FER: variants seen among roughly 807,000 people sequenced by gnomAD.
FER encodes tyrosine-protein kinase Fer.
In FER, 63 loss-of-function variants were observed where a neutral mutation model predicts 111.0. That is an observed-to-expected ratio of 0.57 (90% CI 0.46 to 0.70). The LOEUF is 0.70. FER is among the 30% of genes least tolerant of loss of function. FER has a pLI of 0.00. For missense variants in FER, 914 were observed against 954.0 expected (o/e 0.96, Z 0.55); for synonymous variants, 327 against 313.9 (o/e 1.04, Z -0.44).
At chr5:108,893,462 A>G (rs1192058167) in intron 9 of FER, among the ~76,000 whole-genome samples, 1 of 151,966 alleles carries the variant, frequency 6.6e-6, no homozygotes, top group East Asian at 1.9e-4. Flanking sequence ...ATTTAAATCT[A>G]CGTTAACTCT....
chr5:109,133,748 T>C lies in FER; in HGVS notation c.2048+33229T>C, dbSNP rs148434587. On this transcript the variant is annotated intron_variant, in intron 17 of 19. Transcript: ENST00000281092. ...ATGTAACAAAACTATATTCTATGTATTTCCCATGAGTCAACTAGTTTCTCT... is the reference window on the plus strand; with the variant it reads ...ATGTAACAAAACTATATTCTATGTACTTCCCATGAGTCAACTAGTTTCTCT... Among the ~76,000 whole-genome samples the C allele has an allele frequency of 1.0e-3, 152 of 152,258 alleles. 1 individual carries two copies. The East Asian group carries it at 0.027, about 27-fold the overall frequency.
chr5:108,770,677 A>G (rs534946488), intron 2 of FER, among the ~76,000 whole-genome samples: 1 of 152,166 alleles, frequency 6.6e-6, no homozygotes, highest in South Asian at 2.1e-4. Context: ...TGCCTGGCCT[A>G]TTTGGAGATT....
chr5:109,025,012 G>A (rs1214491131), intron 13 of FER, among the ~76,000 whole-genome samples: 2 of 151,952 alleles, frequency 1.3e-5, no homozygotes, highest in Non-Finnish European at 2.9e-5. Context: ...ATGCTGTTTT[G>A]GTTACTGTAG....
chr5:108,867,933 A>C lies in FER; in HGVS notation c.648A>C (p.Glu216Asp), dbSNP rs370663101. The change falls in exon 6 of 20, where the codon GAA becomes GAC. Residue 216 changes from glutamate (E) to aspartate (D), a missense_variant. By Grantham distance (45) the Glu-to-Asp change is conservative (BLOSUM62 2). This residue lies in a region of FER where 774 missense variants were observed against 782.6 expected (regional missense o/e 0.99). Transcript: ENST00000281092. ...LLLDSLQKMQEEMIKALKGIF... is the reference protein window; with the variant it reads ...LLLDSLQKMQDEMIKALKGIF... ...TGGACTCCTTACAAAAGATGCAAGA[A>C]GAAATGATAAAAGCACTGTAAGATA... 1 of 1,607,076 alleles carries C rather than the reference A, an allele frequency of 6.2e-7. No individual in the cohort carries two copies. Among genetic ancestry groups the C allele is most frequent in the Non-Finnish European group, 8.5e-7 (1 of 1,177,964 alleles).
At chr5:108,752,069 G>A (rs1333540564) in intron 1 of FER, among the ~76,000 whole-genome samples, 1 of 151,820 alleles carries the variant, frequency 6.6e-6, no homozygotes, top group Non-Finnish European at 1.5e-5. Context: ...ATTTGTCTTT[G>A]GTATGCTTAT....
At chr5:108,770,569 A>G (rs1272217602) in intron 2 of FER, among the ~76,000 whole-genome samples, 1 of 151,356 alleles carries the variant, frequency 6.6e-6, no homozygotes, top group Non-Finnish European at 1.5e-5. Flanking sequence ...GGAGACGGAG[A>G]CAGAGTTTTG....
chr5:108,945,524 G>A (rs910603675), intron 10 of FER, among the ~76,000 whole-genome samples: 4 of 151,978 alleles, frequency 2.6e-5, no homozygotes, highest in Non-Finnish European at 4.4e-5. Flanking sequence ...AGGATTGGTG[G>A]TAGGTATGTC....
chr5:109,101,851 G>A (rs79130507), intron 17 of FER, among the ~76,000 whole-genome samples: 9,820 of 152,152 alleles, frequency 0.065, 787 homozygotes, highest in African/African-American at 0.19. Flanking sequence ...AATTTTGGTT[G>A]CCGAGGTATT....
chr5:109,134,487 T>G (rs964482845), intron 17 of FER, among the ~76,000 whole-genome samples: 5 of 152,192 alleles, frequency 3.3e-5, no homozygotes, highest in African/African-American at 1.2e-4. Context: ...ATGATTATAC[T>G]CCTTCCACCC....
chr5:109,051,816 C>T lies in FER; in HGVS notation c.1924+4618C>T, dbSNP rs1033835878. 25 of 1,597,758 alleles carry T rather than the reference C, an allele frequency of 1.6e-5. 1 individual carries two copies. Among genetic ancestry groups the T allele is most frequent in the Middle Eastern group, 1.7e-4 (1 of 6,026 alleles). On this transcript the variant is annotated intron_variant, in intron 16 of 19. Coordinates refer to ENST00000281092, the MANE Select transcript of FER (RefSeq NM_005246.4). ...TCAAGGCCAGGGACACCAAGGACACCACCAGCATGAAGATGATGAAGATGG... is the reference window on the plus strand; with the variant it reads ...TCAAGGCCAGGGACACCAAGGACACTACCAGCATGAAGATGATGAAGATGG...
At chr5:109,121,899 G>T (rs1751026846) in intron 17 of FER, among the ~76,000 whole-genome samples, 1 of 151,900 alleles carries the variant, frequency 6.6e-6, no homozygotes, top group Non-Finnish European at 1.5e-5. Flanking sequence ...CCTCATAGTA[G>T]CCGCTAATGA....
At chr5:108,899,802 C>CAA (rs759045022) in intron 10 of FER, among the ~76,000 whole-genome samples, 4 of 90,090 alleles carry the variant, frequency 4.4e-5, no homozygotes, top group East Asian at 3.4e-4. Flanking sequence ...GACTCCATCT[C>CAA]AAAAAAAAAA....
At chr5:109,154,329 T>C (rs1755146310) in intron 17 of FER, among the ~76,000 whole-genome samples, 1 of 151,984 alleles carries the variant, frequency 6.6e-6, no homozygotes, top group Admixed American at 6.6e-5. Context: ...TCACCAGTTT[T>C]GAGAACATTA....
At position 108,983,166 on chromosome 5, in the gene FER, C is replaced by T. The variant is rs60390123; in HGVS notation, c.1656+23819C>T. On this transcript the variant is annotated intron_variant, in intron 13 of 19. Transcript: ENST00000281092. ...TGCTATGACAATATGGAAATATGTA[C>T]GGGGTCAGGAACAATTTTGGACATA... is the stretch of plus-strand genomic sequence containing the variant. Among the ~76,000 whole-genome samples, 957 of 151,914 alleles carry T rather than the reference C, an allele frequency of 6.3e-3. 12 individuals carry two copies. The highest frequency in any genetic ancestry group is 0.022 in the African/African-American group (896 of 41,466).
At chr5:109,051,936 G>A in intron 16 of FER, 1 of 1,582,106 alleles carries the variant, frequency 6.3e-7, no homozygotes, top group Non-Finnish European at 8.7e-7. Context: ...ATCCATAGAT[G>A]TACCACTGGA....
At chr5:109,083,538 T>C (rs1200165976) in intron 16 of FER, among the ~76,000 whole-genome samples, 1 of 152,096 alleles carries the variant, frequency 6.6e-6, no homozygotes, top group Non-Finnish European at 1.5e-5. Context: ...TGTTGCATTT[T>C]ATTTGCGACA....
intron 13 of FER, among the ~76,000 whole-genome samples, chr5:108,961,643 A>G (rs984539732): frequency 4.6e-5 from 7 of 152,186 alleles, no homozygotes; most frequent in African/African-American, 1.7e-4. Context: ...TGAAATATGC[A>G]AATCATTATC....
intron 16 of FER, among the ~76,000 whole-genome samples, chr5:109,047,728 C>A (rs551436925): frequency 2.0e-5 from 3 of 152,266 alleles, no homozygotes; most frequent in Non-Finnish European, 2.9e-5. Flanking sequence ...AGCCGCAGCA[C>A]CCTGCAAAAC....
At chr5:108,880,967 T>C (rs1320983270) in intron 8 of FER, among the ~76,000 whole-genome samples, 1 of 152,140 alleles carries the variant, frequency 6.6e-6, no homozygotes, top group Non-Finnish European at 1.5e-5. Context: ...ACCTATTATT[T>C]AATGATTCTA....
Sources: allele counts gnomAD v4.1 joint callset (sites outside exome capture counted in the v4.1 genomes callset), GRCh38; gene constraint gnomAD v4.1.1; regional missense constraint gnomAD v4.1.1; transcripts MANE v1.5; gene names NCBI Gene and HGNC (gene_info 2026-07-23, HGNC 2026-07-21).